Variants in KSR1 observed in about 807,000 individuals in gnomAD.
The protein encoded by KSR1 is kinase suppressor of ras 1, also known as kinase suppressor of ras.
KSR1 carries 35 observed loss-of-function variants against 92.9 expected under a neutral mutation model. That is an observed-to-expected ratio of 0.38 (90% CI 0.29 to 0.50). The LOEUF (loss-of-function observed/expected upper bound fraction) is 0.50. Ranked by LOEUF, KSR1 falls within the 20% of genes least tolerant of loss-of-function variation. The probability of loss-of-function intolerance (pLI) is 0.94; values close to 1 mark genes in which losing one functional copy is unlikely to be tolerated. For synonymous variants in KSR1, 467 were observed against 472.6 expected, an observed-to-expected ratio of 0.99 and a Z score of 0.15; for missense variants, 972 against 1,158.5, an observed-to-expected ratio of 0.84 and a Z score of 2.34.
intron 1 of KSR1, among the ~76,000 whole-genome samples, chr17:27,470,792 T>C (rs142733468): frequency 3.9e-5 from 6 of 152,322 alleles, no homozygotes; most frequent in African/African-American, 1.2e-4. Context: ...TCTCCTTTAT[T>C]CTCCCCATTT....
chr17:27,531,274 T>G (rs1385693998), intron 1 of KSR1, among the ~76,000 whole-genome samples: 2 of 152,236 alleles, frequency 1.3e-5, no homozygotes, highest in East Asian at 1.9e-4. Context: ...TGCACAAAGG[T>G]GCAGAGTCCT....
chr17:27,605,777 C>T lies in KSR1; in HGVS notation c.1958C>T (p.Ala653Val). 1 of 1,612,686 alleles carries T rather than the reference C, an allele frequency of 6.2e-7. No homozygotes were observed. Among genetic ancestry groups the T allele is most frequent in the South Asian group, 1.1e-5 (1 of 91,018 alleles). Reference sequence around the variant, plus strand: ...GAGAACGTGGTGCTCTTCATGGGGGCCTGCATGAACCCGCCCCACCTGGCC... The same window carrying T: ...GAGAACGTGGTGCTCTTCATGGGGGTCTGCATGAACCCGCCCCACCTGGCC... ...RHENVVLFMG[A>V]CMNPPHLAII... Residue 653 changes from alanine to valine, a missense_variant, in exon 14 of 21, where the codon GCC becomes GTC. By Grantham distance (64) the Ala-to-Val change is moderately conservative (BLOSUM62 0). This residue lies in a region of KSR1 where 260 missense variants were observed against 375.2 expected (regional missense o/e 0.69). Transcript: ENST00000644974.
In KSR1 at chr17:27,583,143, CTG is replaced by C. The variant is rs573629627; in HGVS notation, c.980+41_980+42del. On this transcript the variant is annotated intron_variant, in intron 4 of 20. Coordinates refer to ENST00000644974, the MANE Select transcript of KSR1 (RefSeq NM_001394583.1). ...TCTGGGCAGCTACCAAAAGTGCCCTCTGTGGTTTTCTAATCATAAAGATATAT... is the reference window on the plus strand; with the variant it reads ...TCTGGGCAGCTACCAAAAGTGCCCTCTGGTTTTCTAATCATAAAGATATAT... 9.6e-6 allele frequency: 13 copies of C among 1,352,308 alleles called. No individual in the cohort carries two copies. In the African/African-American group the frequency reaches 1.8e-4, roughly 18 times the overall value. 83.8% of individuals were successfully genotyped at this position (1,352,308 alleles called of 1,614,324 possible).
At position 27,522,860 on chromosome 17, in the gene KSR1, C is replaced by T. The variant is rs574568013; in HGVS notation, c.232-27708C>T. Among the ~76,000 whole-genome samples, 19 of 152,302 alleles carry T rather than the reference C, an allele frequency of 1.2e-4. No individual in the cohort carries two copies. In the South Asian group the frequency reaches 3.9e-3, roughly 32 times the overall value. On this transcript the variant is annotated intron_variant, in intron 1 of 20. Transcript: ENST00000644974. ...AGGGTGGTCTGTCCTCAGGCAGCAG[C>T]CAGACAACATTTTGGGGAGAGTAGC...
intron 1 of KSR1, among the ~76,000 whole-genome samples, chr17:27,460,830 G>GT (rs985124105): frequency 6.6e-6 from 1 of 152,180 alleles, no homozygotes; most frequent in Non-Finnish European, 1.5e-5. Context: ...GTTGAGGCAC[G>GT]TTCCCTGGAC....
rs1326415624 is a variant in KSR1 at position 27,459,607 on chromosome 17, CT to C, written c.231+2735del. On this transcript the variant is annotated intron_variant, in intron 1 of 20. Transcript: ENST00000644974. This position sits in a 1 kb window ranked among gnomAD's most constrained non-coding sequence, Gnocchi z 4.6. ...CCAGGCCGTGGCCCCAGAGACTGTG[CT>C]TGCAACACTGGATTCCTGGCTTTTG... Among the ~76,000 whole-genome samples the C allele has an allele frequency of 1.3e-5, 2 of 152,264 alleles. No individual in the cohort carries two copies. Among genetic ancestry groups the C allele is most frequent in the Non-Finnish European group, 2.9e-5 (2 of 68,044 alleles).
At chr17:27,471,949 T>C (rs2020034901) in intron 1 of KSR1, 2 of 152,384 alleles carry the variant, frequency 1.3e-5, no homozygotes, top group South Asian at 4.1e-4. Context: ...GCCTTCACCG[T>C]GGTAACTGAA....
At chr17:27,544,837 A>G (rs1312704093) in intron 1 of KSR1, among the ~76,000 whole-genome samples, 2 of 152,278 alleles carry the variant, frequency 1.3e-5, no homozygotes, top group East Asian at 3.8e-4. Flanking sequence ...TGTCTGGGAA[A>G]GTAGCCCCTT....
intron 11 of KSR1, chr17:27,601,971 A>G (rs565020200): frequency 3.2e-5 from 50 of 1,585,494 alleles, no homozygotes; most frequent in Middle Eastern, 1.7e-4. Context: ...AAGTCAATAC[A>G]TTGAGTCCCT....
intron 1 of KSR1, among the ~76,000 whole-genome samples, chr17:27,542,202 A>G (rs963456829): frequency 1.3e-5 from 2 of 152,184 alleles, no homozygotes; most frequent in Admixed American, 6.5e-5. Flanking sequence ...AGGAAGTGAT[A>G]TGGTACCATA....
intron 1 of KSR1, among the ~76,000 whole-genome samples, chr17:27,513,147 A>G (rs980229947): frequency 1.3e-5 from 2 of 152,148 alleles, no homozygotes; most frequent in Non-Finnish European, 2.9e-5. Context: ...TTCATGCAAC[A>G]TTGTTGTGAA....
chr17:27,540,871 T>C (rs2070938311), intron 1 of KSR1, among the ~76,000 whole-genome samples: 1 of 152,202 alleles, frequency 6.6e-6, no homozygotes, highest in South Asian at 2.1e-4. Flanking sequence ...TCAGAAATCA[T>C]TTTGCAACAA....
intron 1 of KSR1, among the ~76,000 whole-genome samples, chr17:27,511,286 G>A (rs567443090): frequency 1.1e-4 from 17 of 152,346 alleles, no homozygotes; most frequent in Non-Finnish European, 1.3e-4. Context: ...ACATCTCAGA[G>A]CCAGAAGCCT....
chr17:27,466,487 C>T (rs1285273619), intron 1 of KSR1, among the ~76,000 whole-genome samples: 3 of 152,314 alleles, frequency 2.0e-5, no homozygotes, highest in Admixed American at 6.5e-5. Flanking sequence ...CACTTCCTGC[C>T]TCCTCCTGGC....
chr17:27,484,616 C>T (rs1376126728), intron 1 of KSR1, among the ~76,000 whole-genome samples: 1 of 152,054 alleles, frequency 6.6e-6, no homozygotes, highest in African/African-American at 2.4e-5. Flanking sequence ...AGCCCTGATC[C>T]CCAGCATACA....
intron 1 of KSR1, among the ~76,000 whole-genome samples, chr17:27,544,200 C>T (rs1015543217): frequency 6.6e-6 from 1 of 152,178 alleles, no homozygotes; most frequent in African/African-American, 2.4e-5. Flanking sequence ...TATGTTCACC[C>T]AAGGGAGTGG....
chr17:27,487,474 T>G lies in KSR1; in HGVS notation c.231+30600T>G, dbSNP rs572044045. Reference sequence around the variant, plus strand: ...ATAAAAGGGGTTTATTTGGGCTGGGTGTGGTGACTCACTCCTGTAATCCCA... The same window carrying G: ...ATAAAAGGGGTTTATTTGGGCTGGGGGTGGTGACTCACTCCTGTAATCCCA... On this transcript the variant is annotated intron_variant, in intron 1 of 20. Coordinates refer to ENST00000644974, the MANE Select transcript of KSR1 (RefSeq NM_001394583.1). 2.0e-5 allele frequency among the ~76,000 whole-genome samples: 3 copies of G among 150,078 alleles called. No homozygotes were observed. In the East Asian group the frequency reaches 5.9e-4, roughly 30 times the overall value.
chr17:27,512,891 C>A (rs182423151), intron 1 of KSR1, among the ~76,000 whole-genome samples: 2 of 152,160 alleles, frequency 1.3e-5, no homozygotes, highest in Admixed American at 1.3e-4. Context: ...AAAGTGAGTA[C>A]CCTTGTAACC....
chr17:27,620,759 C>G (rs1275499736), intron 19 of KSR1, among the ~76,000 whole-genome samples: 1 of 152,200 alleles, frequency 6.6e-6, no homozygotes, highest in African/African-American at 2.4e-5. Context: ...CCCTGGTTTT[C>G]TCCGTGACGA....
Sources: allele counts gnomAD v4.1 joint callset (sites outside exome capture counted in the v4.1 genomes callset), GRCh38; gene constraint gnomAD v4.1.1; regional missense constraint gnomAD v4.1.1; non-coding constraint Gnocchi (gnomAD v3.1); transcripts MANE v1.5; gene names NCBI Gene and HGNC (gene_info 2026-07-23, HGNC 2026-07-21).